Variants in EIF4G3 observed in about 807,000 individuals in gnomAD.
The protein encoded by EIF4G3 is eukaryotic translation initiation factor 4 gamma 3, also known as eIF-4-gamma 3.
Under a neutral mutation model 186.4 loss-of-function variants are expected in EIF4G3, and 34 were observed. The observed-to-expected ratio is 0.18, with a 90% CI of 0.14 to 0.24. The LOEUF (loss-of-function observed/expected upper bound fraction) is 0.24. Ranked by LOEUF, EIF4G3 falls within the 10% of genes least tolerant of loss-of-function variation. The probability of loss-of-function intolerance (pLI) is 1.00; values close to 1 mark genes in which losing one functional copy is unlikely to be tolerated. For synonymous variants in EIF4G3, 673 were observed against 679.5 expected, an observed-to-expected ratio of 0.99 and a Z score of 0.15; for missense variants, 1,536 against 1,948.5, an observed-to-expected ratio of 0.79 and a Z score of 3.99.
In EIF4G3 at chr1:21,047,037, A is replaced by T. The variant is rs548897830; in HGVS notation, c.-67+3829T>A. ...CGCTCTTACAGGGCAGTAGAATTCT[A>T]ATTTCCCCCTATATGACAGATGAAG... On this transcript the variant is annotated intron_variant, in intron 4 of 36. Transcript: ENST00000602326. Among the ~76,000 whole-genome samples, 6 of 152,304 alleles carry T rather than the reference A, an allele frequency of 3.9e-5. No homozygotes were observed. The South Asian group carries it at 1.2e-3, about 32-fold the overall frequency.
At chr1:20,952,927 AATG>A (rs2096279512) in intron 12 of EIF4G3, among the ~76,000 whole-genome samples, 1 of 152,224 alleles carries the variant, frequency 6.6e-6, no homozygotes, top group Non-Finnish European at 1.5e-5. Flanking sequence ...AAGAAAAAAT[AATG>A]ATGAACTATT....
intron 7 of EIF4G3, among the ~76,000 whole-genome samples, chr1:20,995,847 A>G (rs1190804812): frequency 1.3e-5 from 2 of 152,176 alleles, no homozygotes; most frequent in Non-Finnish European, 2.9e-5. Context: ...TTTGAAAAAC[A>G]CAAGCATGTG....
At chr1:20,857,099 C>T (rs886819030) in intron 25 of EIF4G3, among the ~76,000 whole-genome samples, 4 of 129,048 alleles carry the variant, frequency 3.1e-5, no homozygotes, top group Admixed American at 2.0e-4. Flanking sequence ...GGAGGTGGAG[C>T]CTGCAGTGAG....
chr1:20,907,808 G>A (rs1472638651), intron 14 of EIF4G3, among the ~76,000 whole-genome samples: 1 of 152,016 alleles, frequency 6.6e-6, no homozygotes, highest in Non-Finnish European at 1.5e-5. Context: ...GGACATTTAG[G>A]TTGGTTCCAA....
intron 2 of EIF4G3, among the ~76,000 whole-genome samples, chr1:21,090,069 A>G (rs576317969): frequency 6.6e-6 from 1 of 152,266 alleles, no homozygotes; most frequent in Non-Finnish European, 1.5e-5. Context: ...ATTTTTCATA[A>G]CCCATGATTG....
chr1:20,979,405 C>A lies in EIF4G3; in HGVS notation c.493+929G>T, dbSNP rs2077506473. Among the ~76,000 whole-genome samples, 3 of 152,124 alleles carry A rather than the reference C, an allele frequency of 2.0e-5. 1 individual carries two copies. The South Asian group carries it at 6.2e-4, about 32-fold the overall frequency. ...TTATGGCATGTATATTCTCCAAGTG[C>A]CTGCCAGTCACTGTTCTAGGGGCTG... On this transcript the variant is annotated intron_variant, in intron 10 of 36. Coordinates refer to ENST00000602326, the MANE Select transcript of EIF4G3 (RefSeq NM_001391906.1).
chr1:21,120,802 C>T (rs2102350307), intron 2 of EIF4G3, among the ~76,000 whole-genome samples: 1 of 152,228 alleles, frequency 6.6e-6, no homozygotes, highest in South Asian at 2.1e-4. Flanking sequence ...ATACGCATCT[C>T]AGTATAAGAG....
At position 20,807,445 on chromosome 1, in the gene EIF4G3, A is replaced by G; in HGVS notation, c.4800T>C (p.Asp1600=). 6.2e-7 allele frequency: 1 copy of G among 1,611,892 alleles called. No homozygotes were observed. The highest frequency in any genetic ancestry group is 8.5e-7 in the Non-Finnish European group (1 of 1,178,382). Reference sequence around the variant, plus strand: ...TGCTGCTCTCCCATTTGTAGAAGGCATCCTCGGAGATCACCTCCTCGTCAT... The same window carrying G: ...TGCTGCTCTCCCATTTGTAGAAGGCGTCCTCGGAGATCACCTCCTCGTCAT... ...CLYDEEVISE[D]AFYKWESSKD... is the part of the protein sequence containing the mutation. The change falls in exon 37 of 37, where the codon GAT becomes GAC. Residue 1600 remains aspartate (D), a synonymous_variant. Coordinates refer to ENST00000602326, the MANE Select transcript of EIF4G3 (RefSeq NM_001391906.1).
chr1:20,948,902 G>A (rs1268081020), intron 13 of EIF4G3, among the ~76,000 whole-genome samples: 2 of 150,016 alleles, frequency 1.3e-5, no homozygotes, highest in Non-Finnish European at 3.0e-5. Flanking sequence ...CCAGCTACTC[G>A]GGCGGCTGAG....
At chr1:20,875,943 C>A (rs1300541214) in intron 20 of EIF4G3, among the ~76,000 whole-genome samples, 1 of 151,820 alleles carries the variant, frequency 6.6e-6, no homozygotes, top group African/African-American at 2.4e-5. Context: ...AGAAAGAGGC[C>A]AGGCATGGTG....
chr1:20,882,524 G>T (rs1331300382), intron 19 of EIF4G3, among the ~76,000 whole-genome samples: 1 of 152,000 alleles, frequency 6.6e-6, no homozygotes, highest in Non-Finnish European at 1.5e-5. Flanking sequence ...GGGAGGCTGA[G>T]GCAGGAGAAT....
At chr1:20,942,860 C>G (rs2095778027) in intron 13 of EIF4G3, among the ~76,000 whole-genome samples, 1 of 152,042 alleles carries the variant, frequency 6.6e-6, no homozygotes, top group Admixed American at 6.5e-5. Context: ...TATAAAAACT[C>G]AAGATAAAGC....
At chr1:21,094,806 A>T (rs905640950) in intron 2 of EIF4G3, among the ~76,000 whole-genome samples, 3 of 117,688 alleles carry the variant, frequency 2.5e-5, no homozygotes, top group East Asian at 2.7e-4. Context: ...ATAATAATAA[A>T]AGCCAGGATT....
chr1:21,141,763 T>C (rs1488748973), intron 2 of EIF4G3, among the ~76,000 whole-genome samples: 1 of 152,004 alleles, frequency 6.6e-6, no homozygotes, highest in Non-Finnish European at 1.5e-5. Flanking sequence ...ACCCTGACTC[T>C]ACCAAAAATT....
At chr1:20,977,090 G>GA (rs11444926) in intron 10 of EIF4G3, among the ~76,000 whole-genome samples, 71,503 of 148,168 alleles carry the variant, frequency 0.48, 18,121 homozygotes, top group East Asian at 0.76. Flanking sequence ...AAATATAAAT[G>GA]AAAAAAAAAA....
intron 11 of EIF4G3, 58 bp downstream of exon 11, chr1:20,972,944 T>C: frequency 6.5e-6 from 9 of 1,387,378 alleles, no homozygotes; most frequent in Non-Finnish European, 8.8e-6. Context: ...CGTAAACTTA[T>C]CTGATAAGTG....
intron 20 of EIF4G3, among the ~76,000 whole-genome samples, chr1:20,877,399 C>G (rs900164080): frequency 6.6e-6 from 1 of 152,140 alleles, no homozygotes; most frequent in Admixed American, 6.6e-5. Flanking sequence ...GTTACATCAC[C>G]CTGAGAAGTT....
At position 21,176,875 on chromosome 1, in the gene EIF4G3, T is replaced by G. The variant is rs1041343872; in HGVS notation, c.-609A>C. On this transcript the variant is annotated 5_prime_UTR_variant, in exon 1 of 37. Coordinates refer to ENST00000602326, the MANE Select transcript of EIF4G3 (RefSeq NM_001391906.1). ...CATCCAACATGGCGCTGTGGCCGCC[T>G]CCAGCAGTCCGGCAGGACGGCTGCT... 11 of 696,622 alleles carry G rather than the reference T, an allele frequency of 1.6e-5. No homozygotes were observed. The African/African-American group carries it at 1.6e-4, about 10-fold the overall frequency. The allele number at this position is 696,622 out of a possible 1,614,324, so 43.2% of individuals were successfully genotyped here. A position where few individuals can be genotyped will look rare whatever the true frequency, so the allele number is the denominator to read the frequency against.
intron 24 of EIF4G3, 141 bp downstream of exon 24, chr1:20,860,244 G>T (rs1446148173): frequency 8.7e-7 from 1 of 1,150,116 alleles, no homozygotes; most frequent in Non-Finnish European, 1.2e-6. Context: ...TACTCTTCAG[G>T]TGAAACTGCT....
Sources: allele counts gnomAD v4.1 joint callset (sites outside exome capture counted in the v4.1 genomes callset), GRCh38; gene constraint gnomAD v4.1.1; transcripts MANE v1.5; gene names NCBI Gene and HGNC (gene_info 2026-07-23, HGNC 2026-07-21).